Variants in FAXC observed in about 807,000 individuals in gnomAD.
FAXC encodes failed axon connections homolog, metaxin like GST domain containing.
A neutral mutation model predicts 41.9 loss-of-function variants in FAXC; 10 were observed. The observed-to-expected ratio is 0.24, with a 90% CI of 0.15 to 0.41. The LOEUF is 0.41. FAXC is among the 10% of genes least tolerant of loss of function. The pLI is 1.00. For missense variants in FAXC, 399 were observed against 510.9 expected, an observed-to-expected ratio of 0.78 and a Z score of 2.11; for synonymous variants, 183 against 183.8, an observed-to-expected ratio of 1.00 and a Z score of 0.03.
intron 4 of FAXC, among the ~76,000 whole-genome samples, chr6:99,299,390 G>T (rs1268153613): frequency 2.0e-5 from 3 of 152,134 alleles, no homozygotes; most frequent in Admixed American, 6.5e-5. Context: ...AGAAACTAAA[G>T]AGAATAATCA....
In FAXC at chr6:99,281,075, C is replaced by A; in HGVS notation, c.*89G>T. Reference sequence around the variant, plus strand: ...AAAACTCTGCCAAGCACGAAGATCTCCTCCCAGCTCGGATGGATTGCTACC... The same window carrying A: ...AAAACTCTGCCAAGCACGAAGATCTACTCCCAGCTCGGATGGATTGCTACC... On this transcript the variant is annotated 3_prime_UTR_variant, in exon 6 of 6. Coordinates refer to ENST00000389677, the MANE Select transcript of FAXC (RefSeq NM_032511.4). The A allele has an allele frequency of 1.4e-6, 1 of 723,770 alleles. No homozygotes were observed. Among genetic ancestry groups the A allele is most frequent in the Non-Finnish European group, 2.5e-6 (1 of 394,128 alleles). 44.8% of individuals were successfully genotyped at this position (723,770 alleles called of 1,614,324 possible).
At chr6:99,330,200 T>A (rs1162614129) in intron 3 of FAXC, among the ~76,000 whole-genome samples, 5 of 152,016 alleles carry the variant, frequency 3.3e-5, no homozygotes, top group African/African-American at 1.2e-4. Context: ...TTATAATAAC[T>A]AGATAGTCTG....
intron 4 of FAXC, among the ~76,000 whole-genome samples, chr6:99,313,531 G>A (rs1772225453): frequency 6.6e-6 from 1 of 152,002 alleles, no homozygotes; most frequent in Non-Finnish European, 1.5e-5. Flanking sequence ...TTTATATACA[G>A]GAGGTTGGTT....
At chr6:99,333,857 C>G (rs1773120468) in intron 2 of FAXC, among the ~76,000 whole-genome samples, 1 of 152,026 alleles carries the variant, frequency 6.6e-6, no homozygotes, top group African/African-American at 2.4e-5. Context: ...ATTGAAAGGG[C>G]TGAAATGACC....
chr6:99,290,732 T>A (rs1771208977), intron 5 of FAXC, among the ~76,000 whole-genome samples: 1 of 151,434 alleles, frequency 6.6e-6, no homozygotes, highest in African/African-American at 2.4e-5. Context: ...ATAATAATAC[T>A]TCGGAAAGCA....
At chr6:99,286,809 A>AT (rs1771044498) in intron 5 of FAXC, among the ~76,000 whole-genome samples, 1 of 152,220 alleles carries the variant, frequency 6.6e-6, no homozygotes, top group South Asian at 2.1e-4. Flanking sequence ...GCTAATAATA[A>AT]AACTGAGATT....
rs752577687 is a variant in FAXC at position 99,280,342 on chromosome 6, T to C, written c.*822A>G. On this transcript the variant is annotated 3_prime_UTR_variant, in exon 6 of 6. Transcript: ENST00000389677. ...CTTTTGCAGGTGACTGTGGTGGTGG[T>C]TGCCTGGATATGGAATTCCTTTGCC... The C allele has an allele frequency of 6.6e-6, 1 of 152,264 alleles. No individual in the cohort carries two copies. Among genetic ancestry groups the C allele is most frequent in the Non-Finnish European group, 1.5e-5 (1 of 68,054 alleles). 9.4% of individuals were successfully genotyped at this position (152,264 alleles called of 1,614,324 possible). A position where few individuals can be genotyped will look rare whatever the true frequency, so the allele number is the denominator to read the frequency against.
intron 5 of FAXC, among the ~76,000 whole-genome samples, chr6:99,283,389 T>G (rs1040128419): frequency 1.3e-5 from 2 of 152,234 alleles, no homozygotes; most frequent in African/African-American, 4.8e-5. Flanking sequence ...CATGTTAAAA[T>G]TTTTCAAAAC....
Position 99,275,027 on chromosome 6 carries a change from G to A in FAXC, c.*6137C>T, listed in dbSNP as rs896346298. The stretch of plus-strand genomic sequence containing the variant: ...TAACTAACATGGCAATTCAGAAGTT[G>A]GATCTTATTTTTTTAGAAGCCATGG... On this transcript the variant is annotated 3_prime_UTR_variant, in exon 6 of 6. Coordinates refer to ENST00000389677, the MANE Select transcript of FAXC (RefSeq NM_032511.4). The A allele has an allele frequency of 1.1e-4, 16 of 151,880 alleles. No individual in the cohort carries two copies. The highest frequency in any genetic ancestry group is 3.9e-4 in the African/African-American group (16 of 41,336). 9.4% of individuals were successfully genotyped at this position (151,880 alleles called of 1,614,324 possible).
chr6:99,320,297 T>G (rs1772541733), intron 4 of FAXC, among the ~76,000 whole-genome samples: 3 of 152,216 alleles, frequency 2.0e-5, no homozygotes, highest in Admixed American at 2.0e-4. Context: ...TGATAAATAT[T>G]ATTAATGTAT....
intron 4 of FAXC, among the ~76,000 whole-genome samples, chr6:99,317,099 A>C (rs915255434): frequency 5.3e-5 from 8 of 150,690 alleles, no homozygotes; most frequent in African/African-American, 1.5e-4. Flanking sequence ...TTTCTGACTC[A>C]ATAAAATGCT....
intron 4 of FAXC, among the ~76,000 whole-genome samples, chr6:99,293,677 TGTGTGTGTGTGTG>T (rs2128450657): frequency 9.4e-6 from 1 of 106,150 alleles, no homozygotes; most frequent in East Asian, 7.0e-4. Context: ...TGTGTGTGTG[TGTGTGTGTGTGTG>T]TGTGTGTGTG....
intron 1 of FAXC, among the ~76,000 whole-genome samples, chr6:99,346,723 G>A (rs1229664356): frequency 6.6e-6 from 1 of 152,246 alleles, no homozygotes; most frequent in African/African-American, 2.4e-5. Context: ...TTTCTAAGAG[G>A]CAGTGGTTAA....
rs1245442548 is a variant in FAXC, at chr6:99,291,693, G to A, written c.940+11C>T. The A allele has an allele frequency of 1.2e-6, 2 of 1,601,290 alleles. No homozygotes were observed. Among genetic ancestry groups the A allele is most frequent in the South Asian group, 1.1e-5 (1 of 90,768 alleles). On this transcript the variant is annotated intron_variant, in intron 5 of 5. Transcript: ENST00000389677. ...TAAGCCCCAAAACCTGAAGAAGAGT[G>A]TAGGGCTTGCCTTTGATCAGCCGTT...
At chr6:99,327,319 T>C (rs76847688) in intron 3 of FAXC, among the ~76,000 whole-genome samples, 2,039 of 152,270 alleles carry the variant, frequency 0.013, 50 homozygotes, top group African/African-American at 0.046. Flanking sequence ...TATGTTTCCA[T>C]GTTATTGCAA....
In FAXC at chr6:99,272,654, G is replaced by A. The variant is rs542015173; in HGVS notation, c.*8510C>T. 8 of 152,292 alleles carry A rather than the reference G, an allele frequency of 5.3e-5. No individual in the cohort carries two copies. The South Asian group carries it at 1.7e-3, about 32-fold the overall frequency. 9.4% of individuals were successfully genotyped at this position (152,292 alleles called of 1,614,324 possible). A position where few individuals can be genotyped will look rare whatever the true frequency, so the allele number is the denominator to read the frequency against. ...ATGAAATAAAAGCAGGAGAGGATGGGACAGCATATTCCAGAGATCTGTTTT... is the reference window on the plus strand; with the variant it reads ...ATGAAATAAAAGCAGGAGAGGATGGAACAGCATATTCCAGAGATCTGTTTT... On this transcript the variant is annotated 3_prime_UTR_variant, in exon 6 of 6. Coordinates refer to ENST00000389677, the MANE Select transcript of FAXC (RefSeq NM_032511.4).
At chr6:99,305,662 A>C (rs1355495425) in intron 4 of FAXC, among the ~76,000 whole-genome samples, 1 of 150,568 alleles carries the variant, frequency 6.6e-6, no homozygotes, top group Non-Finnish European at 1.5e-5. Flanking sequence ...AGGAAAAAAT[A>C]TATATAGTAG....
At chr6:99,295,145 A>G (rs997647341) in intron 4 of FAXC, among the ~76,000 whole-genome samples, 3 of 152,220 alleles carry the variant, frequency 2.0e-5, no homozygotes, top group African/African-American at 7.2e-5. Context: ...GGTGTTTTCA[A>G]AGGTGCCTGC....
At chr6:99,321,945 C>T (rs1188977323) in intron 4 of FAXC, among the ~76,000 whole-genome samples, 1 of 152,138 alleles carries the variant, frequency 6.6e-6, no homozygotes, top group African/African-American at 2.4e-5. Context: ...ACAGCATGAG[C>T]CGGTGAGGAA....
Sources: allele counts gnomAD v4.1 joint callset (sites outside exome capture counted in the v4.1 genomes callset), GRCh38; gene constraint gnomAD v4.1.1; transcripts MANE v1.5; gene names NCBI Gene and HGNC (gene_info 2026-07-23, HGNC 2026-07-21).